Variants in CNBD1 observed in about 807,000 individuals in gnomAD.
CNBD1 encodes cyclic nucleotide binding domain containing 1.
In CNBD1, 71 loss-of-function variants were observed where a neutral mutation model predicts 54.4. The observed-to-expected ratio is 1.30, with a 90% CI of 1.08 to 1.59. The LOEUF (loss-of-function observed/expected upper bound fraction) is 1.59, where lower values mean the gene tolerates loss of function less well. CNBD1 is among the 40% of genes most tolerant of loss of function. CNBD1 has a pLI of 0.00. For synonymous variants in CNBD1, 182 were observed against 170.7 expected (o/e 1.07, Z -0.51); for missense variants, 659 against 518.0 (o/e 1.27, Z -2.64).
At position 87,196,871 on chromosome 8, in the gene CNBD1, T is replaced by C. The variant is rs959688571; in HGVS notation, c.432-9122T>C. On this transcript the variant is annotated intron_variant, in intron 4 of 10. Transcript: ENST00000518476. ...TTTGCTTTTGGCCGTCAGCTGGAAT[T>C]GGGTCTAGAAATAGATAGAAAGGTG... 7.2e-5 allele frequency among the ~76,000 whole-genome samples: 11 copies of C among 152,202 alleles called. 1 individual carries two copies. Among genetic ancestry groups the C allele is most frequent in the Non-Finnish European group, 1.3e-4 (9 of 68,046 alleles).
chr8:87,378,564 GTA>G (rs1358112757), intron 10 of CNBD1, among the ~76,000 whole-genome samples: 2 of 150,276 alleles, frequency 1.3e-5, no homozygotes, highest in African/African-American at 5.0e-5. Flanking sequence ...TAGCCTTGTT[GTA>G]TAGTTTGAAG....
At chr8:87,256,015 A>T (rs58131483) in intron 6 of CNBD1, among the ~76,000 whole-genome samples, 595 of 15,736 alleles carry the variant, frequency 0.038, 131 homozygotes, top group African/African-American at 0.077. Context: ...ATATATATAT[A>T]TTTTTTTTTT....
At chr8:87,362,398 A>C (rs1586046893) in intron 10 of CNBD1, among the ~76,000 whole-genome samples, 1 of 152,130 alleles carries the variant, frequency 6.6e-6, no homozygotes. Context: ...TATTGTACAC[A>C]CTGCCCCTTG....
chr8:87,316,809 T>C (rs1809396010), intron 8 of CNBD1, among the ~76,000 whole-genome samples: 1 of 151,818 alleles, frequency 6.6e-6, no homozygotes, highest in Non-Finnish European at 1.5e-5. Context: ...TGATTTTAGT[T>C]GTGTATCGTT....
chr8:87,422,625 T>G (rs1338419762), intron 2 of CNBD1, among the ~76,000 whole-genome samples: 2 of 152,176 alleles, frequency 1.3e-5, no homozygotes, highest in Non-Finnish European at 2.9e-5. Flanking sequence ...TTTGTTCCAT[T>G]GATCTATAGC....
At chr8:87,086,579 CTG>C (rs1338968654) in intron 4 of CNBD1, among the ~76,000 whole-genome samples, 1 of 151,930 alleles carries the variant, frequency 6.6e-6, no homozygotes, top group Non-Finnish European at 1.5e-5. Context: ...ACAATGATAA[CTG>C]TGTTAAGATT....
At chr8:87,399,189 C>T (rs554547332) in intron 2 of CNBD1, among the ~76,000 whole-genome samples, 13 of 152,052 alleles carry the variant, frequency 8.5e-5, no homozygotes, top group African/African-American at 2.2e-4. Flanking sequence ...ATTTTTGTTA[C>T]TATTGATTTG....
chr8:87,025,247 A>T (rs1809612593), intron 4 of CNBD1, among the ~76,000 whole-genome samples: 1 of 152,102 alleles, frequency 6.6e-6, no homozygotes, highest in Non-Finnish European at 1.5e-5. Context: ...AATCCCCAGG[A>T]TGTGGGTGGG....
At chr8:87,021,476 A>G (rs1364155528) in intron 4 of CNBD1, among the ~76,000 whole-genome samples, 2 of 152,226 alleles carry the variant, frequency 1.3e-5, no homozygotes, top group Non-Finnish European at 2.9e-5. Context: ...ACTAATTTGA[A>G]CTACTGACAT....
At chr8:87,344,371 AC>A (rs1264600752) in intron 8 of CNBD1, among the ~76,000 whole-genome samples, 4 of 152,114 alleles carry the variant, frequency 2.6e-5, no homozygotes, top group African/African-American at 9.7e-5. Context: ...AATAAGAAAA[AC>A]ATGAACATTT....
chr8:86,974,166 T>G (rs940929673), intron 4 of CNBD1, among the ~76,000 whole-genome samples: 2 of 152,090 alleles, frequency 1.3e-5, no homozygotes, highest in African/African-American at 4.8e-5. Flanking sequence ...TTCAGCTTCA[T>G]AAGTAGTCAA....
At chr8:87,204,398 C>T (rs1304095792) in intron 4 of CNBD1, among the ~76,000 whole-genome samples, 1 of 152,108 alleles carries the variant, frequency 6.6e-6, no homozygotes, top group Non-Finnish European at 1.5e-5. Context: ...TTTCATCAGA[C>T]CTTTGCCATA....
chr8:87,163,538 CTAAG>C lies in CNBD1; in HGVS notation c.432-42452_432-42449del, dbSNP rs1437873403. 6.6e-6 allele frequency among the ~76,000 whole-genome samples: 1 copy of C among 151,642 alleles called. No homozygotes were observed. Among genetic ancestry groups the C allele is most frequent in the Non-Finnish European group, 1.5e-5 (1 of 67,868 alleles). On this transcript the variant is annotated intron_variant, in intron 4 of 10. Coordinates refer to ENST00000518476, the MANE Select transcript of CNBD1 (RefSeq NM_173538.3). This position sits in a 1 kb window ranked among gnomAD's most constrained non-coding sequence, Gnocchi z 4.5. Reference sequence around the variant, plus strand: ...CTTACCTCCTTGGTTAAATTTATTCCTAAGTATTTAAAATATTAAATATTTTTTT... The same window carrying C: ...CTTACCTCCTTGGTTAAATTTATTCCTATTTAAAATATTAAATATTTTTTT...
intron 1 of CNBD1, among the ~76,000 whole-genome samples, chr8:86,867,264 A>G (rs2131759052): frequency 6.6e-6 from 1 of 152,334 alleles, no homozygotes; most frequent in Non-Finnish European, 1.5e-5. Context: ...GACTAGCAAT[A>G]TGTATGAGTT....
At chr8:86,876,531 A>G (rs1427943217) in intron 1 of CNBD1, among the ~76,000 whole-genome samples, 1 of 150,410 alleles carries the variant, frequency 6.6e-6, no homozygotes, top group Non-Finnish European at 1.5e-5. Flanking sequence ...TTTACTTTCT[A>G]TATTTTTTCT....
At chr8:87,280,542 CAAGCTACT>C (rs1808580355) in intron 6 of CNBD1, among the ~76,000 whole-genome samples, 1 of 151,352 alleles carries the variant, frequency 6.6e-6, no homozygotes, top group East Asian at 1.9e-4. Context: ...AAGTTTAGAG[CAAGCTACT>C]ATTTAAAAAT....
chr8:87,153,675 A>G (rs1261226667), intron 4 of CNBD1, among the ~76,000 whole-genome samples: 1 of 152,244 alleles, frequency 6.6e-6, no homozygotes. Context: ...ATGGCTACTT[A>G]TAGCTCAACT....
Position 87,234,522 on chromosome 8 carries a change from A to G in CNBD1, c.578-2397A>G, listed in dbSNP as rs1741148820. ...TCAGAGTTCTTGGGTGACCAGATGC[A>G]TTGTCAATGAGCAGTAGTATTTTGA... On this transcript the variant is annotated intron_variant, in intron 5 of 10. Transcript: ENST00000518476. Among the ~76,000 whole-genome samples, 3 of 152,184 alleles carry G rather than the reference A, an allele frequency of 2.0e-5. No individual in the cohort carries two copies. The South Asian group carries it at 6.2e-4, about 32-fold the overall frequency.
intron 2 of CNBD1, among the ~76,000 whole-genome samples, chr8:87,408,930 ATC>A (rs571874023): frequency 6.6e-6 from 1 of 151,510 alleles, no homozygotes; most frequent in Non-Finnish European, 1.5e-5. Context: ...TCATTCCCCC[ATC>A]TCTCTCTCTC....
Sources: gnomAD v4.1 joint callset for allele counts (sites outside exome capture counted in the v4.1 genomes callset) on GRCh38, gnomAD v4.1.1 for gene constraint, Gnocchi (gnomAD v3.1) non-coding constraint, MANE v1.5 for transcripts, NCBI Gene and HGNC (gene_info 2026-07-23, HGNC 2026-07-21) for gene names.